CRPPA: variants seen among roughly 807,000 people sequenced by gnomAD.
CRPPA encodes the protein D-ribitol-5-phosphate cytidylyltransferase.
CRPPA carries 43 observed loss-of-function variants against 52.0 expected under a neutral mutation model. The ratio of observed to expected loss-of-function variants is 0.83; its 90% CI spans 0.65 to 1.07. The LOEUF is 1.07. Among genes scored for constraint, CRPPA ranks in the 50% least tolerant of loss-of-function variants. The probability of loss-of-function intolerance (pLI) is 0.00; values close to 1 mark genes in which losing one functional copy is unlikely to be tolerated. For synonymous variants in CRPPA, 250 were observed against 203.5 expected (o/e 1.23, Z -1.94); for missense variants, 629 against 551.7 (o/e 1.14, Z -1.40).
chr7:16,386,023 C>T (rs2128313866), intron 2 of CRPPA, among the ~76,000 whole-genome samples: 1 of 152,336 alleles, frequency 6.6e-6, no homozygotes, highest in South Asian at 2.1e-4. Context: ...TGTTAACCAG[C>T]TCAGTGCCCT....
intron 3 of CRPPA, among the ~76,000 whole-genome samples, 171 bp from the exon 4 acceptor site, chr7:16,308,798 G>C (rs971652235): frequency 6.6e-6 from 1 of 152,160 alleles, no homozygotes; most frequent in Non-Finnish European, 1.5e-5. Flanking sequence ...GCAAAACAGG[G>C]AATAGGAATA....
chr7:16,239,153 A>C (rs1288623651), intron 8 of CRPPA, among the ~76,000 whole-genome samples: 1 of 151,090 alleles, frequency 6.6e-6, no homozygotes, highest in Non-Finnish European at 1.5e-5. Context: ...AAAAAAAAAA[A>C]AAAAGCCATT....
intron 9 of CRPPA, among the ~76,000 whole-genome samples, chr7:16,125,922 C>CACACACAA (rs1480436106): frequency 2.7e-5 from 4 of 149,214 alleles, no homozygotes; most frequent in African/African-American, 1.0e-4. Context: ...CACACACACA[C>CACACACAA]ACACACACAC....
intron 9 of CRPPA, among the ~76,000 whole-genome samples, chr7:16,180,615 T>C (rs1486932277): frequency 6.6e-6 from 1 of 152,114 alleles, no homozygotes; most frequent in Non-Finnish European, 1.5e-5. Context: ...TATATTCATC[T>C]AACAATATTT....
At chr7:16,248,385 G>C (rs1041303967) in intron 8 of CRPPA, among the ~76,000 whole-genome samples, 3 of 152,084 alleles carry the variant, frequency 2.0e-5, no homozygotes. Context: ...TGTGCATTTG[G>C]TGGAGGGGGA....
chr7:16,098,840 G>C (rs558419886), intron 9 of CRPPA, among the ~76,000 whole-genome samples: 2 of 152,124 alleles, frequency 1.3e-5, no homozygotes, highest in East Asian at 3.9e-4. Context: ...AGGAAAAAGC[G>C]ATCACCTACT....
At chr7:16,142,971 A>T (rs1243186004) in intron 9 of CRPPA, among the ~76,000 whole-genome samples, 3 of 152,216 alleles carry the variant, frequency 2.0e-5, no homozygotes, top group Non-Finnish European at 4.4e-5. Context: ...AAAGACTTGT[A>T]ACTAGGTAGG....
chr7:16,151,339 A>T (rs1330722349), intron 9 of CRPPA, among the ~76,000 whole-genome samples: 1 of 152,220 alleles, frequency 6.6e-6, no homozygotes, highest in Non-Finnish European at 1.5e-5. Flanking sequence ...TTTCTTAGAA[A>T]AAGTACTTAT....
At chr7:16,110,307 C>T (rs1782235105) in intron 9 of CRPPA, among the ~76,000 whole-genome samples, 1 of 152,012 alleles carries the variant, frequency 6.6e-6, no homozygotes, top group Admixed American at 6.6e-5. Flanking sequence ...ATCTCATGTT[C>T]ACATATTGGA....
In CRPPA at chr7:16,407,467, T is replaced by C. The variant is rs939390651; in HGVS notation, c.258-1130A>G. 2.6e-5 allele frequency among the ~76,000 whole-genome samples: 4 copies of C among 152,302 alleles called. No individual in the cohort carries two copies. The East Asian group carries it at 7.7e-4, about 29-fold the overall frequency. On this transcript the variant is annotated intron_variant, in intron 1 of 9. Coordinates refer to ENST00000407010, the MANE Select transcript of CRPPA (RefSeq NM_001101426.4). ...CAAGACAACGGTCTCTGACCCATGATACGAATTCTGAACAAAGACTTAATT... is the reference window on the plus strand; with the variant it reads ...CAAGACAACGGTCTCTGACCCATGACACGAATTCTGAACAAAGACTTAATT...
At chr7:16,124,679 T>C (rs900687136) in intron 9 of CRPPA, among the ~76,000 whole-genome samples, 7 of 152,240 alleles carry the variant, frequency 4.6e-5, no homozygotes, top group African/African-American at 1.4e-4. Context: ...CAATAATCTA[T>C]TGTATATTTT....
intron 2 of CRPPA, among the ~76,000 whole-genome samples, chr7:16,397,959 T>C (rs1441443108): frequency 2.0e-5 from 3 of 152,210 alleles, no homozygotes; most frequent in Non-Finnish European, 4.4e-5. Flanking sequence ...ACGTTTGACA[T>C]GTGACTTACA....
intron 9 of CRPPA, among the ~76,000 whole-genome samples, chr7:16,155,466 C>T (rs1004123937): frequency 1.3e-5 from 2 of 152,196 alleles, no homozygotes; most frequent in Non-Finnish European, 2.9e-5. Flanking sequence ...ACTCGCCTCT[C>T]TTGCCTCCCT....
At chr7:16,257,581 T>A (rs1378489859) in intron 8 of CRPPA, among the ~76,000 whole-genome samples, 1 of 152,158 alleles carries the variant, frequency 6.6e-6, no homozygotes, top group Non-Finnish European at 1.5e-5. Context: ...GAGTTATTTA[T>A]ATTGCAAATT....
rs552161013 is a variant in CRPPA, at chr7:16,285,669, A to T, written c.836-7443T>A. Among the ~76,000 whole-genome samples the T allele has an allele frequency of 4.6e-5, 7 of 152,206 alleles. No homozygotes were observed. In the East Asian group the frequency reaches 1.4e-3, roughly 29 times the overall value. On this transcript the variant is annotated intron_variant, in intron 5 of 9. Coordinates refer to ENST00000407010, the MANE Select transcript of CRPPA (RefSeq NM_001101426.4). ...GTTAAGAAGCCCAAATTTTTCTGTT[A>T]ATACCTCAGTCAATGTCTGAGAACC... is the stretch of plus-strand genomic sequence containing the variant.
chr7:16,329,892 T>G (rs1396461474), intron 3 of CRPPA, among the ~76,000 whole-genome samples: 1 of 152,256 alleles, frequency 6.6e-6, no homozygotes, highest in Non-Finnish European at 1.5e-5. Flanking sequence ...CCTGAAGCCC[T>G]GTGTGATTTT....
chr7:16,380,512 G>A (rs1220349865), intron 2 of CRPPA, among the ~76,000 whole-genome samples: 1 of 152,214 alleles, frequency 6.6e-6, no homozygotes, highest in Non-Finnish European at 1.5e-5. Flanking sequence ...CATAAAATGA[G>A]TTAGGGAGGA....
intron 2 of CRPPA, among the ~76,000 whole-genome samples, chr7:16,387,033 A>G (rs897189001): frequency 8.9e-6 from 1 of 112,906 alleles, no homozygotes. Flanking sequence ...TTTAATTTAA[A>G]ATAAAAAAAA....
chr7:16,403,007 T>C (rs1787859872), intron 2 of CRPPA, among the ~76,000 whole-genome samples: 1 of 151,604 alleles, frequency 6.6e-6, no homozygotes, highest in Admixed American at 6.6e-5. Flanking sequence ...ATAGGAAAAA[T>C]AAATTATCTA....
Sources: gnomAD v4.1 joint callset for allele counts (sites outside exome capture counted in the v4.1 genomes callset) on GRCh38, gnomAD v4.1.1 for gene constraint, MANE v1.5 for transcripts, NCBI Gene and HGNC (gene_info 2026-07-23, HGNC 2026-07-21) for gene names.